Variants in NIPA1 observed in about 807,000 individuals in gnomAD.
NIPA1 encodes the protein NIPA magnesium transporter 1.
Under a neutral mutation model 23.9 loss-of-function variants are expected in NIPA1, and 13 were observed. The ratio of observed to expected loss-of-function variants is 0.54; its 90% confidence interval spans 0.35 to 0.87. NIPA1 has a LOEUF of 0.87. Among genes scored for constraint, NIPA1 ranks in the 40% least tolerant of loss-of-function variants. The pLI is 0.01. For missense variants in NIPA1, 362 were observed against 429.7 expected (o/e 0.84, Z 1.39); for synonymous variants, 234 against 202.9 (o/e 1.15, Z -1.30).
intron 1 of NIPA1, among the ~76,000 whole-genome samples, chr15:22,791,450 A>G (rs181462329): frequency 6.5e-5 from 8 of 123,934 alleles, no homozygotes; most frequent in Non-Finnish European, 1.3e-4. Flanking sequence ...CTACTGAGGG[A>G]TTTGAGGCAT....
intron 1 of NIPA1, among the ~76,000 whole-genome samples, chr15:22,810,182 C>T (rs1232536272): frequency 6.6e-6 from 1 of 152,098 alleles, no homozygotes; most frequent in East Asian, 1.9e-4. Context: ...GCCTGCCCTG[C>T]GTGGGATGGG....
chr15:22,820,285 T>C (rs770490641), intron 3 of NIPA1, 28 bp from the exon 4 acceptor site: 31 of 1,542,830 alleles, frequency 2.0e-5, no homozygotes, highest in African/African-American at 1.2e-4. Flanking sequence ...TGGTTTAAAC[T>C]TTAATGATTT....
rs1895713867 is a variant in NIPA1 at position 22,829,566 on chromosome 15, T to C, written c.*5327T>C. On this transcript the variant is annotated 3_prime_UTR_variant, in exon 5 of 5. Coordinates refer to ENST00000337435, the MANE Select transcript of NIPA1 (RefSeq NM_144599.5). ...AGAAGATGTAAAAAATGTCAAATGT[T>C]GATTGGTTGTGTAAAAGTTTTGTCA... 6.6e-6 allele frequency: 1 copy of C among 152,154 alleles called. No homozygotes were observed. The highest frequency in any genetic ancestry group is 1.5e-5 in the Non-Finnish European group (1 of 68,022). The allele number at this position is 152,154 out of a possible 1,614,324, so 9.4% of individuals were successfully genotyped here. A position where few individuals can be genotyped will look rare whatever the true frequency, so the allele number is the denominator to read the frequency against.
chr15:22,815,066 C>A (rs1188683613), intron 3 of NIPA1, among the ~76,000 whole-genome samples: 1 of 152,076 alleles, frequency 6.6e-6, no homozygotes, highest in Non-Finnish European at 1.5e-5. Flanking sequence ...GGTCAAGAAG[C>A]ACTGTTCTAT....
At chr15:22,813,295 A>G (rs1461389727) in intron 3 of NIPA1, among the ~76,000 whole-genome samples, 1 of 151,756 alleles carries the variant, frequency 6.6e-6, no homozygotes, top group Non-Finnish European at 1.5e-5. Flanking sequence ...ATTTCATTTT[A>G]TTTATTTTTT....
At chr15:22,788,763 AAC>A (rs1047068417) in intron 1 of NIPA1, among the ~76,000 whole-genome samples, 1 of 150,674 alleles carries the variant, frequency 6.6e-6, no homozygotes, top group African/African-American at 2.4e-5. Flanking sequence ...TTTTAAAAAA[AAC>A]ATGATAAGCT....
At chr15:22,797,142 C>T (rs902434127) in intron 1 of NIPA1, among the ~76,000 whole-genome samples, 3 of 151,272 alleles carry the variant, frequency 2.0e-5, no homozygotes, top group Non-Finnish European at 2.9e-5. Context: ...CAGGTTCAAG[C>T]GATTCTTGTG....
At chr15:22,819,390 A>G (rs558157905) in intron 3 of NIPA1, 1 of 152,290 alleles carries the variant, frequency 6.6e-6, no homozygotes, top group South Asian at 2.1e-4. Flanking sequence ...GTAAAGTGAC[A>G]ATGACCAGTC....
At position 22,819,496 on chromosome 15, in the gene NIPA1, T is replaced by G. The variant is rs374082831; in HGVS notation, c.318-817T>G. The G allele has an allele frequency of 1.1e-4, 17 of 152,306 alleles. No homozygotes were observed. The East Asian group carries it at 2.7e-3, about 24-fold the overall frequency. 9.4% of individuals were successfully genotyped at this position (152,306 alleles called of 1,614,324 possible). A position where few individuals can be genotyped will look rare whatever the true frequency, so the allele number is the denominator to read the frequency against. On this transcript the variant is annotated intron_variant, in intron 3 of 4. Coordinates refer to ENST00000337435, the MANE Select transcript of NIPA1 (RefSeq NM_144599.5). ...AGAAACAAGTTAGAAGCCTGGAGAT[T>G]ATAGATGTTTTTGAAGAATACATTT...
chr15:22,821,756 T>A (rs12905852), intron 4 of NIPA1, among the ~76,000 whole-genome samples: 2 of 151,802 alleles, frequency 1.3e-5, no homozygotes, highest in South Asian at 2.1e-4. Flanking sequence ...GTCCACACTC[T>A]CTGGTTTGCA....
At chr15:22,792,806 T>C (rs1420960287) in intron 1 of NIPA1, among the ~76,000 whole-genome samples, 1 of 151,468 alleles carries the variant, frequency 6.6e-6, no homozygotes, top group African/African-American at 2.4e-5. Context: ...ATACAGAAAT[T>C]GTCCGGGTGT....
chr15:22,809,708 G>GCA (rs1169897875), intron 1 of NIPA1, among the ~76,000 whole-genome samples: 2 of 149,150 alleles, frequency 1.3e-5, no homozygotes, highest in Non-Finnish European at 3.0e-5. Context: ...TCGCACCAGT[G>GCA]CATTCCAGCC....
At chr15:22,822,530 T>C (rs1895558551) in intron 4 of NIPA1, among the ~76,000 whole-genome samples, 1 of 152,154 alleles carries the variant, frequency 6.6e-6, no homozygotes, top group Admixed American at 6.5e-5. Context: ...ACTTGTATTG[T>C]TAAGAGAATG....
At chr15:22,813,763 G>A in intron 3 of NIPA1, 1 of 447,122 alleles carries the variant, frequency 2.2e-6, no homozygotes, top group Non-Finnish European at 4.5e-6. Context: ...CCTTGAGAAT[G>A]TGTGTGTGGC....
intron 1 of NIPA1, among the ~76,000 whole-genome samples, chr15:22,802,954 T>C (rs1399736578): frequency 2.0e-5 from 3 of 152,036 alleles, no homozygotes; most frequent in Non-Finnish European, 4.4e-5. Flanking sequence ...TGATGAACTT[T>C]TTTTTTTTTG....
At chr15:22,812,327 T>C in intron 3 of NIPA1, 74 bp downstream of exon 3, 2 of 1,173,926 alleles carry the variant, frequency 1.7e-6, no homozygotes, top group Non-Finnish European at 2.5e-6. Flanking sequence ...AATGTTTCTG[T>C]TAAAGTAATA....
At position 22,827,420 on chromosome 15, in the gene NIPA1, C is replaced by T. The variant is rs996431401; in HGVS notation, c.*3181C>T. ...GAAGGTGCTGGGGAGGGAAGTCCTT[C>T]CAGTGCCACATGGAGTGAGGCCCTG... On this transcript the variant is annotated 3_prime_UTR_variant, in exon 5 of 5. Transcript: ENST00000337435. 2.6e-5 allele frequency: 4 copies of T among 152,230 alleles called. No individual in the cohort carries two copies. Among genetic ancestry groups the T allele is most frequent in the Non-Finnish European group, 5.9e-5 (4 of 68,060 alleles). The allele number at this position is 152,230 out of a possible 1,614,324, so 9.4% of individuals were successfully genotyped here.
At chr15:22,812,551 G>C (rs1384124338) in intron 3 of NIPA1, among the ~76,000 whole-genome samples, 1 of 151,886 alleles carries the variant, frequency 6.6e-6, no homozygotes, top group African/African-American at 2.4e-5. Flanking sequence ...TACTCGGGAG[G>C]GTGAGACACA....
chr15:22,823,894 C>A lies in NIPA1; in HGVS notation c.645C>A (p.Asp215Glu). 1 of 1,614,204 alleles carries A rather than the reference C, an allele frequency of 6.2e-7. No homozygotes were observed. Among genetic ancestry groups the A allele is most frequent in the Non-Finnish European group, 8.5e-7 (1 of 1,180,000 alleles). The change falls in exon 5 of 5, where the codon GAC (aspartate) becomes GAA (glutamate). Residue 215 changes from aspartate to glutamate, a missense_variant. Physicochemically the swap from Asp to Glu is conservative, Grantham distance 45. Around this residue, in one of 2 missense-constraint regions of NIPA1, gnomAD observed 277 missense variants for 372.0 expected, o/e 0.74. Transcript: ENST00000337435. The stretch of plus-strand genomic sequence containing the variant: ...AGGGCATCGGGCTGGCGGCCCAAGA[C>A]ATCTTGCATAACAACCCGTCCAGTC... ...STKGIGLAAQ[D>E]ILHNNPSSQR...
Sources: gnomAD v4.1 joint callset for allele counts (sites outside exome capture counted in the v4.1 genomes callset) on GRCh38, gnomAD v4.1.1 for gene constraint, gnomAD v4.1.1 regional missense constraint, MANE v1.5 for transcripts, NCBI Gene and HGNC (gene_info 2026-07-23, HGNC 2026-07-21) for gene names.